The following QTMAN variants were observed in gnomAD, a reference collection of about 807,000 sequenced individuals.
The protein encoded by QTMAN is queuosine-tRNA mannosyltransferase.
chr2:144,222,301 C>A, the QTMAN span, among the ~76,000 whole-genome samples: 1 of 151,702 alleles, frequency 6.6e-6, no homozygotes, highest in African/African-American at 2.4e-5. Context: ...CCTCATGGTC[C>A]GCCTGCCTCG....
the QTMAN span, among the ~76,000 whole-genome samples, chr2:144,311,175 A>G: frequency 6.6e-6 from 1 of 152,240 alleles, no homozygotes; most frequent in Non-Finnish European, 1.5e-5. Flanking sequence ...CTGGAGCCAT[A>G]GCTATTTAAA....
chr2:143,970,605 G>T, the QTMAN span: 1 of 939,840 alleles, frequency 1.1e-6, no homozygotes, highest in Non-Finnish European at 1.8e-6. Context: ...ACGTTGTAGA[G>T]CTTATGTCAT....
At chr2:144,133,464 T>TTATATATTATATAATATATAAAA in the QTMAN span, among the ~76,000 whole-genome samples, 2 of 55,586 alleles carry the variant, frequency 3.6e-5, no homozygotes, top group Non-Finnish European at 6.3e-5. Flanking sequence ...ATAATATATA[T>TTATATATTATATAATATATAAAA]TATATATTAT....
the QTMAN span, among the ~76,000 whole-genome samples, chr2:144,020,149 T>G: frequency 6.6e-6 from 1 of 151,748 alleles, no homozygotes; most frequent in Non-Finnish European, 1.5e-5. Flanking sequence ...TCCCTTTAAA[T>G]GATAGGGAAT....
the QTMAN span, among the ~76,000 whole-genome samples, chr2:144,157,654 G>GA: frequency 6.6e-6 from 1 of 152,096 alleles, no homozygotes; most frequent in East Asian, 1.9e-4. Context: ...GCAGGGATTG[G>GA]AAAGGGAAGA....
the QTMAN span, among the ~76,000 whole-genome samples, chr2:143,960,179 C>G: frequency 6.6e-6 from 1 of 152,068 alleles, no homozygotes; most frequent in Non-Finnish European, 1.5e-5. Context: ...TCAGATACAA[C>G]TGCCATTATT....
the QTMAN span, among the ~76,000 whole-genome samples, chr2:143,979,537 C>G: frequency 6.6e-6 from 1 of 152,190 alleles, no homozygotes; most frequent in Non-Finnish European, 1.5e-5. Context: ...CAAGTGTAAC[C>G]GCTGCCAACT....
At chr2:143,970,233 A>C in the QTMAN span, among the ~76,000 whole-genome samples, 2 of 152,198 alleles carry the variant, frequency 1.3e-5, no homozygotes, top group Non-Finnish European at 2.9e-5. Context: ...TCCACATTAC[A>C]AGTTAGATGC....
the QTMAN span, among the ~76,000 whole-genome samples, chr2:144,087,796 C>G: frequency 6.6e-6 from 1 of 151,888 alleles, no homozygotes; most frequent in Non-Finnish European, 1.5e-5. Flanking sequence ...AAGGGACATA[C>G]CCCCAAAATA....
the QTMAN span, among the ~76,000 whole-genome samples, chr2:143,999,317 G>A: frequency 6.6e-6 from 1 of 151,834 alleles, no homozygotes. Context: ...AGATGTCTGT[G>A]GAAGGCAGAG....
At chr2:144,067,703 C>A in the QTMAN span, among the ~76,000 whole-genome samples, 3 of 152,104 alleles carry the variant, frequency 2.0e-5, no homozygotes, top group African/African-American at 7.2e-5. Flanking sequence ...TTTCAGCATC[C>A]AACATTTAAA....
the QTMAN span, among the ~76,000 whole-genome samples, chr2:144,293,227 A>AT: frequency 6.6e-6 from 1 of 152,232 alleles, no homozygotes; most frequent in African/African-American, 2.4e-5. Flanking sequence ...GAAAAACCAT[A>AT]GAGATGCATG....
the QTMAN span, among the ~76,000 whole-genome samples, chr2:144,110,684 C>CG: frequency 7.0e-5 from 10 of 142,042 alleles, 1 homozygote; most frequent in Non-Finnish European, 1.5e-4. Flanking sequence ...AATCGACCCC[C>CG]CCCCAAAAAA....
the QTMAN span, among the ~76,000 whole-genome samples, chr2:144,081,224 T>A: frequency 1.3e-5 from 2 of 152,130 alleles, no homozygotes; most frequent in Non-Finnish European, 2.9e-5. Flanking sequence ...AAAGTTGAGC[T>A]TTCTAGAGAG....
the QTMAN span, among the ~76,000 whole-genome samples, chr2:144,215,570 G>A: frequency 1.3e-5 from 2 of 152,106 alleles, no homozygotes; most frequent in Non-Finnish European, 1.5e-5. Context: ...TTCTTTCTGT[G>A]AGAAGCTGAG....
chr2:144,168,850 CTTAG>C, the QTMAN span, among the ~76,000 whole-genome samples: 1 of 151,968 alleles, frequency 6.6e-6, no homozygotes, highest in African/African-American at 2.4e-5. Context: ...AAAGGAATAT[CTTAG>C]TTATTCATCC....
At chr2:144,076,436 A>G in the QTMAN span, among the ~76,000 whole-genome samples, 1 of 152,146 alleles carries the variant, frequency 6.6e-6, no homozygotes, top group Non-Finnish European at 1.5e-5. Context: ...CCACAAGGAA[A>G]AAGAGCAAGC....
the QTMAN span, among the ~76,000 whole-genome samples, chr2:144,003,292 GT>G: frequency 6.6e-6 from 1 of 150,914 alleles, no homozygotes; most frequent in Non-Finnish European, 1.5e-5. Context: ...GTCTAAACTT[GT>G]TTTTTTTGGT....
chr2:144,140,587 A>C, the QTMAN span, among the ~76,000 whole-genome samples: 1 of 152,042 alleles, frequency 6.6e-6, no homozygotes, highest in Non-Finnish European at 1.5e-5. Context: ...AATATACGTA[A>C]TTACATATAT....
Sources: gnomAD v4.1 joint callset for allele counts (sites outside exome capture counted in the v4.1 genomes callset) on GRCh38, gnomAD v4.1.1 for gene constraint, MANE v1.5 for transcripts, NCBI Gene and HGNC (gene_info 2026-07-23, HGNC 2026-07-21) for gene names.